Variants in DMRT1 observed in about 807,000 individuals in gnomAD.
The protein encoded by DMRT1 is doublesex- and mab-3-related transcription factor 1.
A neutral mutation model predicts 32.3 loss-of-function variants in DMRT1; 7 were observed. The ratio of observed to expected loss-of-function variants is 0.22; its 90% CI spans 0.12 to 0.41. DMRT1 has a LOEUF of 0.41. Among genes scored for constraint, DMRT1 ranks in the 10% least tolerant of loss-of-function variants. The probability of loss-of-function intolerance (pLI) is 1.00; values close to 1 mark genes in which losing one functional copy is unlikely to be tolerated. For missense variants in DMRT1, 625 were observed against 500.5 expected (o/e 1.25, Z -2.37); for synonymous variants, 278 against 206.1 (o/e 1.35, Z -2.99).
At chr9:900,245 C>T (rs904013039) in intron 3 of DMRT1, among the ~76,000 whole-genome samples, 1 of 152,158 alleles carries the variant, frequency 6.6e-6, no homozygotes, top group Admixed American at 6.5e-5. Flanking sequence ...TGTTCCTGGC[C>T]CGGTGCTCCA....
chr9:860,791 A>T (rs1050024060), intron 2 of DMRT1, among the ~76,000 whole-genome samples: 1 of 152,230 alleles, frequency 6.6e-6, no homozygotes, highest in Non-Finnish European at 1.5e-5. Context: ...CCCAAATGAC[A>T]GTGAGCCATT....
At chr9:861,632 G>A (rs1815682009) in intron 2 of DMRT1, among the ~76,000 whole-genome samples, 1 of 151,900 alleles carries the variant, frequency 6.6e-6, no homozygotes, top group South Asian at 2.1e-4. Flanking sequence ...TTCCCAGAAG[G>A]GGCAGCGGCC....
intron 4 of DMRT1, among the ~76,000 whole-genome samples, chr9:944,438 G>C (rs1564268069): frequency 6.6e-6 from 1 of 152,100 alleles, no homozygotes; most frequent in Non-Finnish European, 1.5e-5. Context: ...ATTTTCAGCA[G>C]CTCACTCCCC....
chr9:894,389 A>C, intron 3 of DMRT1, 194 bp downstream of exon 3: 1 of 645,410 alleles, frequency 1.5e-6, no homozygotes, highest in South Asian at 1.7e-5. Context: ...AAAATGTGTA[A>C]GGAATTTTTT....
intron 4 of DMRT1, among the ~76,000 whole-genome samples, chr9:932,892 C>T (rs936569584): frequency 4.0e-5 from 6 of 151,858 alleles, no homozygotes; most frequent in South Asian, 2.1e-4. Flanking sequence ...GCGGTATCTC[C>T]GTGCTCTTTG....
chr9:966,347 A>C (rs2130019356), intron 4 of DMRT1, among the ~76,000 whole-genome samples: 1 of 151,574 alleles, frequency 6.6e-6, no homozygotes, highest in East Asian at 1.9e-4. Context: ...ACTCCCTTTA[A>C]ATTAAAAAAA....
At chr9:894,993 T>G (rs1340637760) in intron 3 of DMRT1, 1 of 152,244 alleles carries the variant, frequency 6.6e-6, no homozygotes, top group Non-Finnish European at 1.5e-5. Flanking sequence ...TTTTGTATTT[T>G]TAGTAGAGAT....
chr9:910,272 G>A (rs991820714), intron 3 of DMRT1, among the ~76,000 whole-genome samples: 5 of 150,920 alleles, frequency 3.3e-5, no homozygotes, highest in Non-Finnish European at 7.4e-5. Flanking sequence ...TAATGAAAAA[G>A]GCATCATCTG....
intron 4 of DMRT1, among the ~76,000 whole-genome samples, chr9:922,774 A>G (rs1417199119): frequency 6.6e-5 from 10 of 152,246 alleles, no homozygotes; most frequent in Non-Finnish European, 1.5e-4. Context: ...TTTTCAGGAG[A>G]AAGAAACATT....
At chr9:915,940 A>G (rs905835694) in intron 3 of DMRT1, among the ~76,000 whole-genome samples, 1 of 152,000 alleles carries the variant, frequency 6.6e-6, no homozygotes, top group Non-Finnish European at 1.5e-5. Flanking sequence ...TCATTGTGTT[A>G]GCCAGGATGA....
intron 4 of DMRT1, among the ~76,000 whole-genome samples, chr9:966,549 A>G (rs1431623605): frequency 6.6e-6 from 1 of 152,194 alleles, no homozygotes; most frequent in Non-Finnish European, 1.5e-5. Flanking sequence ...GTAGCTGTAC[A>G]AAACTATCCA....
intron 2 of DMRT1, among the ~76,000 whole-genome samples, chr9:870,812 G>C (rs1355138488): frequency 6.8e-6 from 1 of 146,686 alleles, no homozygotes; most frequent in African/African-American, 2.6e-5. Context: ...CTGGGGCTCA[G>C]GTGATTCTCC....
chr9:895,018 T>G (rs1817299926), intron 3 of DMRT1: 2 of 152,208 alleles, frequency 1.3e-5, no homozygotes, highest in African/African-American at 4.8e-5. Flanking sequence ...TTTCACCATG[T>G]TGACCAGGCT....
intron 4 of DMRT1, among the ~76,000 whole-genome samples, chr9:930,479 T>A (rs1329448122): frequency 6.6e-6 from 1 of 152,048 alleles, no homozygotes; most frequent in Non-Finnish European, 1.5e-5. Flanking sequence ...TGGTGCGATC[T>A]CGGCTCACTG....
At chr9:850,041 A>T (rs999022812) in intron 2 of DMRT1, among the ~76,000 whole-genome samples, 6 of 151,974 alleles carry the variant, frequency 3.9e-5, no homozygotes, top group Non-Finnish European at 8.8e-5. Flanking sequence ...CTGGTCTCGA[A>T]CTCCCGACCT....
At position 917,014 on chromosome 9, in the gene DMRT1, AT is replaced by A. The variant is rs977129718; in HGVS notation, c.967+111del. On this transcript the variant is annotated intron_variant, in intron 4 of 4. Transcript: ENST00000382276. ...GCTTAGCTGTTAGTAATTGTTGGAA[AT>A]TTTATTGCTGTGTGAAGCTTGGATA... 5 of 1,266,124 alleles carry A rather than the reference AT, an allele frequency of 3.9e-6. No individual in the cohort carries two copies. In the African/African-American group the frequency reaches 4.4e-5, roughly 11 times the overall value. 78.4% of individuals were successfully genotyped at this position (1,266,124 alleles called of 1,614,324 possible).
At chr9:883,110 A>G (rs1391949908) in intron 2 of DMRT1, among the ~76,000 whole-genome samples, 1 of 151,604 alleles carries the variant, frequency 6.6e-6, no homozygotes, top group Non-Finnish European at 1.5e-5. Flanking sequence ...TCCAGATTCC[A>G]TACGCATAGC....
In DMRT1 at chr9:868,226, G is replaced by A. The variant is rs149102804; in HGVS notation, c.538+21083G>A. Among the ~76,000 whole-genome samples the A allele has an allele frequency of 6.0e-4, 91 of 152,266 alleles. 1 individual carries two copies. Among genetic ancestry groups the A allele is most frequent in the African/African-American group, 1.8e-3 (76 of 41,556 alleles). On this transcript the variant is annotated intron_variant, in intron 2 of 4. Coordinates refer to ENST00000382276, the MANE Select transcript of DMRT1 (RefSeq NM_021951.3). The stretch of plus-strand genomic sequence containing the variant: ...ACTCCTAAGCTCAAGCGATCTGCCT[G>A]TTTCTGCCTCCCAGAGTGCTGGGAT...
At chr9:895,141 G>C (rs564802933) in intron 3 of DMRT1, among the ~76,000 whole-genome samples, 3 of 152,250 alleles carry the variant, frequency 2.0e-5, no homozygotes, top group Admixed American at 6.5e-5. Flanking sequence ...AAAATAGCAT[G>C]CAATCAAGGG....
Sources: allele counts gnomAD v4.1 joint callset (sites outside exome capture counted in the v4.1 genomes callset), GRCh38; gene constraint gnomAD v4.1.1; transcripts MANE v1.5; gene names NCBI Gene and HGNC (gene_info 2026-07-23, HGNC 2026-07-21).